The following PYGB variants were observed in gnomAD, a reference collection of about 807,000 sequenced individuals.
PYGB encodes the protein glycogen phosphorylase, brain form.
PYGB carries 82 observed loss-of-function variants against 94.3 expected under a neutral mutation model. That is an observed-to-expected ratio of 0.87 (90% CI 0.73 to 1.04). The LOEUF is 1.04. Among genes scored for constraint, PYGB ranks in the 50% least tolerant of loss-of-function variants. The pLI, the probability that PYGB is intolerant of heterozygous loss-of-function variation, is 0.00. For synonymous variants in PYGB, 488 were observed against 479.1 expected (o/e 1.02, Z -0.24); for missense variants, 1,132 against 1,158.2 (o/e 0.98, Z 0.33).
At chr20:25,295,427 C>T (rs2145905132) in intron 18 of PYGB, among the ~76,000 whole-genome samples, 177 bp from the exon 19 acceptor site, 1 of 152,382 alleles carries the variant, frequency 6.6e-6, no homozygotes, top group Middle Eastern at 3.4e-3. Flanking sequence ...ACAGAGAAGC[C>T]CTGTGGCCAA....
At chr20:25,255,588 G>T (rs146350299) in intron 1 of PYGB, among the ~76,000 whole-genome samples, 66 of 152,342 alleles carry the variant, frequency 4.3e-4, no homozygotes, top group African/African-American at 1.5e-3. Flanking sequence ...AGTAGAGGGC[G>T]GCTGGTCTGA....
chr20:25,292,392 G>A lies in PYGB; in HGVS notation c.1970-14G>A. ...GTCCTCACAGTGATCCCCTCCACGG[G>A]CTCCCCTCCACAGTGATCCCGGCCG... is the stretch of plus-strand genomic sequence containing the variant. On this transcript the variant is annotated splice_polypyrimidine_tract_variant and intron_variant, in intron 16 of 19. Transcript: ENST00000216962. 6.2e-7 allele frequency: 1 copy of A among 1,610,344 alleles called. No individual in the cohort carries two copies. The highest frequency in any genetic ancestry group is 1.4e-5 in the African/African-American group (1 of 73,338).
Position 25,296,834 on chromosome 20 carries a change from A to G in PYGB, c.*312A>G. On this transcript the variant is annotated 3_prime_UTR_variant, in exon 20 of 20. Coordinates refer to ENST00000216962, the MANE Select transcript of PYGB (RefSeq NM_002862.4). ...GGAGCCACCTGCTGGGCTCCCCCAG[A>G]ACTTTGCACACATCTTGCTATGTAT... The G allele has an allele frequency of 2.7e-6, 1 of 367,124 alleles. No homozygotes were observed. 22.7% of individuals were successfully genotyped at this position (367,124 alleles called of 1,614,324 possible).
intron 1 of PYGB, among the ~76,000 whole-genome samples, chr20:25,253,832 C>T (rs189901371): frequency 1.2e-4 from 19 of 152,166 alleles, no homozygotes; most frequent in East Asian, 3.9e-4. Flanking sequence ...GTCATTTTGT[C>T]GCTGTAAGTT....
At chr20:25,293,470 A>G (rs939528844) in intron 17 of PYGB, among the ~76,000 whole-genome samples, 1 of 152,184 alleles carries the variant, frequency 6.6e-6, no homozygotes, top group Non-Finnish European at 1.5e-5. Context: ...ATTCCAAGCG[A>G]TAATTACAAA....
intron 1 of PYGB, among the ~76,000 whole-genome samples, chr20:25,254,137 A>T (rs1211945258): frequency 6.6e-6 from 1 of 151,678 alleles, no homozygotes; most frequent in Non-Finnish European, 1.5e-5. Flanking sequence ...GGCAGTGAGT[A>T]CTCCGGAAAA....
chr20:25,290,609 C>A lies in PYGB; in HGVS notation c.1956C>A (p.Ser652=). The A allele has an allele frequency of 6.3e-7, 1 of 1,599,414 alleles. No individual in the cohort carries two copies. The highest frequency in any genetic ancestry group is 8.6e-7 in the Non-Finnish European group (1 of 1,167,534). The change falls in exon 16 of 20, where the codon TCC becomes TCA. Residue 652 remains serine (S), a synonymous_variant. Transcript: ENST00000216962. The stretch of plus-strand genomic sequence containing the variant: ...TCTTCCTGGAGAACTACCGTGTGTC[C>A]TTGGCTGAGAAAGGTAACCCTGGAA... ...KVIFLENYRV[S]LAEKVIPAAD...
At chr20:25,268,161 G>GCCCCCCCCCCC (rs11471520) in intron 2 of PYGB, among the ~76,000 whole-genome samples, 1 of 62,038 alleles carries the variant, frequency 1.6e-5, no homozygotes, top group African/African-American at 6.4e-5. Flanking sequence ...CCTAGCACCC[G>GCCCCCCCCCCC]CCCCCCCCCC....
At chr20:25,255,450 C>G (rs1383688491) in intron 1 of PYGB, among the ~76,000 whole-genome samples, 1 of 152,192 alleles carries the variant, frequency 6.6e-6, no homozygotes, top group Admixed American at 6.5e-5. Flanking sequence ...AACGTGGTGC[C>G]CACTGGCCTC....
At chr20:25,255,978 C>G (rs1280012344) in intron 1 of PYGB, among the ~76,000 whole-genome samples, 1 of 152,148 alleles carries the variant, frequency 6.6e-6, no homozygotes, top group Non-Finnish European at 1.5e-5. Flanking sequence ...AGTGATATAC[C>G]TGCCTCAGCC....
intron 3 of PYGB, 29 bp downstream of exon 3, chr20:25,269,236 C>T (rs749528823): frequency 1.3e-6 from 2 of 1,522,636 alleles, no homozygotes; most frequent in Non-Finnish European, 1.8e-6. Context: ...GAGGAGCTCT[C>T]TCGGACCCGT....
rs193211250 is a variant in PYGB at position 25,259,671 on chromosome 20, T to A, written c.345+333T>A. On this transcript the variant is annotated intron_variant, in intron 2 of 19. Coordinates refer to ENST00000216962, the MANE Select transcript of PYGB (RefSeq NM_002862.4). ...TGGTTGGTATTATTCCATTTTGACT[T>A]CATCAAACTGCTAACCCATGTCTGG... Among the ~76,000 whole-genome samples, 9 of 152,262 alleles carry A rather than the reference T, an allele frequency of 5.9e-5. No homozygotes were observed. In the East Asian group the frequency reaches 1.7e-3, roughly 29 times the overall value.
chr20:25,248,147 T>A lies in PYGB; in HGVS notation c.-32T>A. 6.4e-7 allele frequency: 1 copy of A among 1,562,774 alleles called. No homozygotes were observed. Among genetic ancestry groups the A allele is most frequent in the Non-Finnish European group, 8.6e-7 (1 of 1,156,112 alleles). On this transcript the variant is annotated 5_prime_UTR_variant, in exon 1 of 20. Transcript: ENST00000216962. ...TTCGCGTGTGCCGCCGCTTTCCTCCTCCATCTCTTTTCCTCCGCCTCCGCC... is the reference window on the plus strand; with the variant it reads ...TTCGCGTGTGCCGCCGCTTTCCTCCACCATCTCTTTTCCTCCGCCTCCGCC...
intron 2 of PYGB, among the ~76,000 whole-genome samples, chr20:25,268,163 C>CCA: frequency 1.3e-5 from 1 of 74,384 alleles, no homozygotes; most frequent in South Asian, 5.6e-4. Flanking sequence ...TAGCACCCGC[C>CCA]CCCCCCCCAT....
chr20:25,294,789 T>C, intron 18 of PYGB: 1 of 702,912 alleles, frequency 1.4e-6, no homozygotes, highest in Non-Finnish European at 2.6e-6. Context: ...AGTTAGCACA[T>C]GGTATGGTTT....
At chr20:25,290,304 C>T (rs1009284933) in intron 15 of PYGB, among the ~76,000 whole-genome samples, 177 bp from the exon 16 acceptor site, 5 of 152,186 alleles carry the variant, frequency 3.3e-5, no homozygotes, top group South Asian at 2.1e-4. Flanking sequence ...ATCGTGAGTG[C>T]GCAGCAGAGC....
At chr20:25,274,324 C>G (rs573910435) in intron 4 of PYGB, among the ~76,000 whole-genome samples, 1 of 152,208 alleles carries the variant, frequency 6.6e-6, no homozygotes, top group Non-Finnish European at 1.5e-5. Context: ...CCATCCAGAT[C>G]GGAGCATGTG....
chr20:25,270,187 G>GGTT (rs376342778), intron 3 of PYGB, among the ~76,000 whole-genome samples: 20 of 130,120 alleles, frequency 1.5e-4, no homozygotes, highest in African/African-American at 5.5e-4. Flanking sequence ...TAATCCTGAA[G>GGTT]TTTTTTTTGT....
chr20:25,285,826 T>C (rs2088413385), intron 14 of PYGB, among the ~76,000 whole-genome samples: 1 of 152,166 alleles, frequency 6.6e-6, no homozygotes, highest in Non-Finnish European at 1.5e-5. Flanking sequence ...GGTGAGTATG[T>C]TCACTGCTTC....
Sources: gnomAD v4.1 joint callset for allele counts (sites outside exome capture counted in the v4.1 genomes callset) on GRCh38, gnomAD v4.1.1 for gene constraint, MANE v1.5 for transcripts, NCBI Gene and HGNC (gene_info 2026-07-23, HGNC 2026-07-21) for gene names.